Variants in RUNX1T1 observed in about 807,000 individuals in gnomAD.
The protein encoded by RUNX1T1 is RUNX1 partner transcriptional co-repressor 1, also known as protein CBFA2T1.
Under a neutral mutation model 62.8 loss-of-function variants are expected in RUNX1T1, and 4 were observed. The observed-to-expected ratio is 0.06, with a 90% CI of 0.03 to 0.15. The LOEUF (loss-of-function observed/expected upper bound fraction) is 0.15, where lower values mean the gene tolerates loss of function less well. RUNX1T1 is among the 10% of genes least tolerant of loss of function. The probability of loss-of-function intolerance (pLI) is 1.00; values close to 1 mark genes in which losing one functional copy is unlikely to be tolerated. For missense variants in RUNX1T1, 508 were observed against 754.3 expected (o/e 0.67, Z 3.82); for synonymous variants, 291 against 286.0 (o/e 1.02, Z -0.18).
At chr8:92,029,336 T>C (rs1378193331) in intron 1 of RUNX1T1, among the ~76,000 whole-genome samples, 1 of 151,792 alleles carries the variant, frequency 6.6e-6, no homozygotes, top group African/African-American at 2.4e-5. Context: ...AGGGCAGGAG[T>C]ACTGGATAGC....
chr8:92,024,167 G>A (rs1177981555), intron 1 of RUNX1T1, among the ~76,000 whole-genome samples: 1 of 152,036 alleles, frequency 6.6e-6, no homozygotes. Flanking sequence ...GCCTAAAACC[G>A]AGATTGAGCT....
intron 8 of RUNX1T1, among the ~76,000 whole-genome samples, chr8:91,984,381 T>C (rs1039616085): frequency 5.9e-5 from 9 of 152,280 alleles, no homozygotes; most frequent in African/African-American, 2.2e-4. Flanking sequence ...TCTTTTATAG[T>C]GGATGGCAGA....
Position 92,018,271 on chromosome 8 carries a change from C to T in RUNX1T1, c.8-908G>A, listed in dbSNP as rs546315581. Among the ~76,000 whole-genome samples the T allele has an allele frequency of 3.9e-5, 6 of 152,238 alleles. No individual in the cohort carries two copies. In the East Asian group the frequency reaches 1.2e-3, roughly 29 times the overall value. On this transcript the variant is annotated intron_variant, in intron 1 of 10. Coordinates refer to ENST00000396218, the Ensembl canonical transcript of RUNX1T1. ...AACAGACCTTTTGATCTGTTCAAAG[C>T]AATTTCTTAACACTTTGGTTATAAT... is the stretch of plus-strand genomic sequence containing the variant.
At chr8:92,038,685 A>T (rs1202567586) in intron 1 of RUNX1T1, among the ~76,000 whole-genome samples, 1 of 152,172 alleles carries the variant, frequency 6.6e-6, no homozygotes, top group East Asian at 1.9e-4. Context: ...TCAATTCTCC[A>T]GCCAAACTCT....
intron 1 of RUNX1T1, among the ~76,000 whole-genome samples, chr8:92,061,516 C>G (rs984350185): frequency 3.3e-5 from 5 of 152,146 alleles, no homozygotes; most frequent in African/African-American, 1.2e-4. Flanking sequence ...TGAAAAAGTG[C>G]AATTCTGCCA....
chr8:92,077,714 C>T (rs542733476), intron 1 of RUNX1T1, among the ~76,000 whole-genome samples: 59 of 152,178 alleles, frequency 3.9e-4, no homozygotes, highest in Non-Finnish European at 5.4e-4. Context: ...GTGGATCATG[C>T]CCCTATATGA....
chr8:92,060,937 G>C (rs1017832952), intron 1 of RUNX1T1, among the ~76,000 whole-genome samples: 1 of 152,058 alleles, frequency 6.6e-6, no homozygotes, highest in Admixed American at 6.6e-5. Flanking sequence ...GAGAGAGAGA[G>C]AGAGAGAGAG....
intron 1 of RUNX1T1, among the ~76,000 whole-genome samples, chr8:92,021,361 T>C (rs183026891): frequency 5.5e-4 from 84 of 152,268 alleles, no homozygotes; most frequent in African/African-American, 1.9e-3. Context: ...TGTCAGATGT[T>C]ACAGGAGACT....
At chr8:92,036,141 G>C (rs578184995) in intron 1 of RUNX1T1, among the ~76,000 whole-genome samples, 1 of 152,138 alleles carries the variant, frequency 6.6e-6, no homozygotes, top group Non-Finnish European at 1.5e-5. Flanking sequence ...TGTCTTCTCT[G>C]AGCTTATGAA....
intron 1 of RUNX1T1, among the ~76,000 whole-genome samples, chr8:92,077,618 A>G (rs553608686): frequency 1.3e-5 from 2 of 152,244 alleles, no homozygotes; most frequent in African/African-American, 4.8e-5. Context: ...GAAAAAAGAA[A>G]ATGTATACTC....
intron 1 of RUNX1T1, among the ~76,000 whole-genome samples, chr8:92,032,300 G>A (rs1826412906): frequency 6.6e-6 from 1 of 151,920 alleles, no homozygotes; most frequent in Non-Finnish European, 1.5e-5. Flanking sequence ...CAATAATTCA[G>A]TAATTCCCAA....
intron 1 of RUNX1T1, among the ~76,000 whole-genome samples, chr8:92,043,356 CCT>C (rs1414946941): frequency 6.6e-6 from 1 of 151,978 alleles, no homozygotes; most frequent in African/African-American, 2.4e-5. Context: ...GAGTTCTTTT[CCT>C]CTCTGAGTCC....
At chr8:92,025,231 G>A (rs2131256003) in intron 1 of RUNX1T1, among the ~76,000 whole-genome samples, 1 of 152,296 alleles carries the variant, frequency 6.6e-6, no homozygotes, top group Non-Finnish European at 1.5e-5. Context: ...TGCCAATGGT[G>A]TGACCAGAGA....
At chr8:92,001,277 C>A (rs1014145717) in intron 5 of RUNX1T1, among the ~76,000 whole-genome samples, 2 of 152,138 alleles carry the variant, frequency 1.3e-5, no homozygotes, top group African/African-American at 4.8e-5. Flanking sequence ...TGCCTATAAT[C>A]TCAACACTTT....
At chr8:92,032,835 C>T (rs1826515879) in intron 1 of RUNX1T1, among the ~76,000 whole-genome samples, 1 of 151,992 alleles carries the variant, frequency 6.6e-6, no homozygotes, top group African/African-American at 2.4e-5. Context: ...CCCAACAGAA[C>T]AAAAATTGTA....
chr8:92,029,040 G>C (rs1266054329), intron 1 of RUNX1T1, among the ~76,000 whole-genome samples: 1 of 152,192 alleles, frequency 6.6e-6, no homozygotes, highest in Non-Finnish European at 1.5e-5. Context: ...ACACTCAGTA[G>C]AGTCAGTTAT....
intron 1 of RUNX1T1, among the ~76,000 whole-genome samples, chr8:92,082,940 T>C (rs1835508545): frequency 6.6e-6 from 1 of 152,090 alleles, no homozygotes; most frequent in African/African-American, 2.4e-5. Context: ...CCGTGGCAAC[T>C]AAGGGACAAC....
intron 9 of RUNX1T1, 108 bp downstream of exon 10, chr8:91,975,794 CTGT>C (rs556732788): frequency 1.2e-4 from 81 of 675,762 alleles, no homozygotes; most frequent in South Asian, 9.9e-4. Context: ...TTTGTTTTTG[CTGT>C]TGTTGTTGTT....
upstream of RUNX1T1, among the ~76,000 whole-genome samples, chr8:92,066,505 G>T (rs1832898254): frequency 6.6e-6 from 1 of 152,182 alleles, no homozygotes; most frequent in African/African-American, 2.4e-5. Context: ...GTTTTCTAAA[G>T]GCATCCCACT....
Sources: gnomAD v4.1 joint callset for allele counts (sites outside exome capture counted in the v4.1 genomes callset) on GRCh38, gnomAD v4.1.1 for gene constraint, MANE v1.5 for transcripts, NCBI Gene and HGNC (gene_info 2026-07-23, HGNC 2026-07-21) for gene names.